The following GTF2B variants were observed in gnomAD, a reference collection of about 807,000 sequenced individuals.
GTF2B encodes transcription initiation factor IIB.
Under a neutral mutation model 34.6 loss-of-function variants are expected in GTF2B, and 20 were observed. The ratio of observed to expected loss-of-function variants is 0.58; its 90% CI spans 0.41 to 0.84. GTF2B has a LOEUF of 0.84. GTF2B is among the 40% of genes least tolerant of loss of function. The pLI, the probability that GTF2B is intolerant of heterozygous loss-of-function variation, is 0.00. For synonymous variants in GTF2B, 142 were observed against 132.4 expected, an observed-to-expected ratio of 1.07 and a Z score of -0.50; for missense variants, 237 against 393.3, an observed-to-expected ratio of 0.60 and a Z score of 3.36.
chr1:88,866,887 T>A (rs1410147779), intron 2 of GTF2B, among the ~76,000 whole-genome samples: 5 of 152,170 alleles, frequency 3.3e-5, no homozygotes, highest in Non-Finnish European at 7.4e-5. Flanking sequence ...AAGGCAATTT[T>A]AATACATCAC....
chr1:88,874,134 A>G (rs1055041880), intron 2 of GTF2B, among the ~76,000 whole-genome samples: 1 of 152,162 alleles, frequency 6.6e-6, no homozygotes. Context: ...AAATCCAACC[A>G]AAGGTATTTC....
rs1673219913 is a variant in GTF2B, at chr1:88,852,734, CA to C, written c.*478del. Reference sequence around the variant, plus strand: ...ATATACATAATAAATCTCACATACACATCCTTTCAAACTGGAAACTATGATG... The same window carrying C: ...ATATACATAATAAATCTCACATACACTCCTTTCAAACTGGAAACTATGATG... On this transcript the variant is annotated 3_prime_UTR_variant, in exon 7 of 7. Coordinates refer to ENST00000370500, the MANE Select transcript of GTF2B (RefSeq NM_001514.6). Among the ~76,000 whole-genome samples, 1 of 152,144 alleles carries C rather than the reference CA, an allele frequency of 6.6e-6. No individual in the cohort carries two copies. Among genetic ancestry groups the C allele is most frequent in the African/African-American group, 2.4e-5 (1 of 41,432 alleles).
chr1:88,861,380 A>G (rs72724781), intron 3 of GTF2B, among the ~76,000 whole-genome samples: 3,810 of 152,320 alleles, frequency 0.025, 64 homozygotes, highest in African/African-American at 0.03. Flanking sequence ...ATATTAAAAA[A>G]CAGGCCAGGC....
At chr1:88,878,390 T>A (rs1411666286) in intron 2 of GTF2B, among the ~76,000 whole-genome samples, 1 of 152,204 alleles carries the variant, frequency 6.6e-6, no homozygotes, top group Non-Finnish European at 1.5e-5. Flanking sequence ...CAAATAAAAA[T>A]CTTGTAATTC....
Position 88,857,355 on chromosome 1 carries a change from C to A in GTF2B, c.668G>T (p.Cys223Phe), listed in dbSNP as rs1390177938. 1 of 1,613,930 alleles carries A rather than the reference C, an allele frequency of 6.2e-7. No homozygotes were observed. The highest frequency in any genetic ancestry group is 1.7e-5 in the Admixed American group (1 of 60,028). Residue 223 changes from cysteine (C) to phenylalanine (F), a missense_variant, in exon 6 of 7, where the codon TGT (cysteine) becomes TTT (phenylalanine). Cys to Phe is a radical substitution (Grantham distance 205, BLOSUM62 -2). Coordinates refer to ENST00000370500, the MANE Select transcript of GTF2B (RefSeq NM_001514.6). ...TGCCATCTGTACTTGTTTAGGAAGACAAAGGTTGGAACAGAACCTGGACAT... is the reference window on the plus strand; with the variant it reads ...TGCCATCTGTACTTGTTTAGGAAGAAAAAGGTTGGAACAGAACCTGGACAT... The part of the protein sequence containing the change: ...DFMSRFCSNL[C>F]LPKQVQMAAT...
At chr1:88,880,769 G>A (rs769368890) in intron 2 of GTF2B, among the ~76,000 whole-genome samples, 3 of 152,136 alleles carry the variant, frequency 2.0e-5, no homozygotes, top group Non-Finnish European at 2.9e-5. Flanking sequence ...TACTTTGGGA[G>A]GCCGAGGCTG....
intron 6 of GTF2B, among the ~76,000 whole-genome samples, chr1:88,854,826 T>A (rs968661253): frequency 3.3e-5 from 5 of 152,232 alleles, no homozygotes; most frequent in East Asian, 1.9e-4. Context: ...TTCATTTTAC[T>A]ACCTTTTCAG....
intron 5 of GTF2B, among the ~76,000 whole-genome samples, chr1:88,859,360 A>G (rs1214543690): frequency 2.0e-5 from 3 of 152,232 alleles, no homozygotes; most frequent in African/African-American, 4.8e-5. Context: ...CGTGGACTAA[A>G]ATGAGTCTAC....
chr1:88,885,897 C>T (rs904552244), intron 2 of GTF2B, among the ~76,000 whole-genome samples: 1 of 151,628 alleles, frequency 6.6e-6, no homozygotes, highest in South Asian at 2.1e-4. Context: ...CTTTGACGAC[C>T]CCAGATTAAA....
At chr1:88,861,007 C>T (rs1673427595) in intron 3 of GTF2B, among the ~76,000 whole-genome samples, 1 of 152,054 alleles carries the variant, frequency 6.6e-6, no homozygotes, top group Non-Finnish European at 1.5e-5. Flanking sequence ...GCAGATAGTA[C>T]CTTTATACAC....
intron 2 of GTF2B, among the ~76,000 whole-genome samples, chr1:88,874,208 G>C (rs1673762279): frequency 1.3e-5 from 2 of 152,148 alleles, no homozygotes; most frequent in Admixed American, 1.3e-4. Context: ...ACCAAAAGCA[G>C]CCAGGAAGTA....
At chr1:88,881,008 C>CAAAAAA (rs57528139) in intron 2 of GTF2B, among the ~76,000 whole-genome samples, 2 of 92,768 alleles carry the variant, frequency 2.2e-5, no homozygotes, top group East Asian at 3.0e-4. Flanking sequence ...GATGCTGTCT[C>CAAAAAA]AAAAAAAAAA....
intron 2 of GTF2B, among the ~76,000 whole-genome samples, chr1:88,880,930 A>T (rs1673922366): frequency 6.6e-6 from 1 of 150,594 alleles, no homozygotes; most frequent in Admixed American, 6.7e-5. Context: ...AATCACTTGA[A>T]CCTGGGAGGT....
At chr1:88,886,200 A>G (rs560860612) in intron 2 of GTF2B, among the ~76,000 whole-genome samples, 4 of 152,350 alleles carry the variant, frequency 2.6e-5, no homozygotes, top group Admixed American at 2.6e-4. Context: ...AACTCCCACT[A>G]TAGGTCTGAG....
chr1:88,879,928 T>C (rs1011474514), intron 2 of GTF2B, among the ~76,000 whole-genome samples: 2 of 151,734 alleles, frequency 1.3e-5, no homozygotes, highest in South Asian at 2.1e-4. Context: ...CGGGGTGGCA[T>C]GTGCCTGTAA....
intron 1 of GTF2B, among the ~76,000 whole-genome samples, chr1:88,889,855 C>T (rs1674158571): frequency 6.6e-6 from 1 of 151,950 alleles, no homozygotes; most frequent in Non-Finnish European, 1.5e-5. Flanking sequence ...CTTGTCTCCA[C>T]AAAAATAAAA....
chr1:88,865,105 T>C (rs1329735722), intron 2 of GTF2B, among the ~76,000 whole-genome samples: 1 of 152,174 alleles, frequency 6.6e-6, no homozygotes, highest in Non-Finnish European at 1.5e-5. Context: ...CCAGTTACTG[T>C]AGCAATTAGA....
At chr1:88,872,821 T>C (rs1673728263) in intron 2 of GTF2B, among the ~76,000 whole-genome samples, 2 of 152,102 alleles carry the variant, frequency 1.3e-5, no homozygotes, top group Admixed American at 6.6e-5. Context: ...TGTCTCCTTG[T>C]GCTGTGTTAC....
chr1:88,889,800 C>T (rs1363640604), intron 1 of GTF2B, among the ~76,000 whole-genome samples: 1 of 152,188 alleles, frequency 6.6e-6, no homozygotes, highest in African/African-American at 2.4e-5. Context: ...CGGAGGACTG[C>T]TTGGACCCAG....
Sources: allele counts gnomAD v4.1 joint callset (sites outside exome capture counted in the v4.1 genomes callset), GRCh38; gene constraint gnomAD v4.1.1; transcripts MANE v1.5; gene names NCBI Gene and HGNC (gene_info 2026-07-23, HGNC 2026-07-21).